FAAP20: variants seen among roughly 807,000 people sequenced by gnomAD.
FAAP20 encodes the protein Fanconi anemia core complex-associated protein 20.
In FAAP20, 12 loss-of-function variants were observed where a neutral mutation model predicts 16.2. The ratio of observed to expected loss-of-function variants is 0.74; its 90% CI spans 0.48 to 1.20. FAAP20 has a LOEUF of 1.20. FAAP20 is among the 50% of genes most tolerant of loss of function. The pLI, the probability that FAAP20 is intolerant of heterozygous loss-of-function variation, is 0.00. For missense variants in FAAP20, 288 were observed against 245.8 expected, an observed-to-expected ratio of 1.17 and a Z score of -1.15; for synonymous variants, 141 against 110.7, an observed-to-expected ratio of 1.27 and a Z score of -1.72.
downstream of FAAP20, chr1:2,186,252 T>C: frequency 3.5e-6 from 1 of 281,856 alleles, no homozygotes; most frequent in Admixed American, 4.4e-5. Flanking sequence ...GCTGGTGGCT[T>C]GGGGAAGAGA....
chr1:2,185,139 A>C (rs760911248), downstream of FAAP20: 5 of 907,566 alleles, frequency 5.5e-6, no homozygotes, highest in Non-Finnish European at 8.6e-6. Flanking sequence ...CCGAGACCGC[A>C]GAGGGAAGCG....
upstream of FAAP20, among the ~76,000 whole-genome samples, chr1:2,197,510 G>A (rs61559626): frequency 3.5e-4 from 54 of 152,322 alleles, no homozygotes; most frequent in East Asian, 9.5e-3. Flanking sequence ...GCTCCAGCCC[G>A]CATCACTGAA....
At chr1:2,189,331 C>CA (rs71578369), downstream of FAAP20, among the ~76,000 whole-genome samples, 10,974 of 97,594 alleles carry the variant, frequency 0.11, 488 homozygotes, top group Middle Eastern at 0.17. Flanking sequence ...GACCCTGTCT[C>CA]AAAAAAAAAA....
At chr1:2,186,504 C>G (rs569291460), downstream of FAAP20, among the ~76,000 whole-genome samples, 1 of 149,984 alleles carries the variant, frequency 6.7e-6, no homozygotes, top group Non-Finnish European at 1.5e-5. Context: ...CCGCCCCCCC[C>G]CGGCCAGCTC....
At chr1:2,185,207 C>A (rs1317123556), downstream of FAAP20, 3 of 707,108 alleles carry the variant, frequency 4.2e-6, no homozygotes, top group Admixed American at 2.0e-5. Flanking sequence ...GGCAGGCCAG[C>A]TTCGTGCTGG....
At chr1:2,184,853 G>C (rs548440022), downstream of FAAP20, 2 of 1,461,040 alleles carry the variant, frequency 1.4e-6, no homozygotes, top group South Asian at 1.2e-5. Flanking sequence ...TTATGCGAAC[G>C]TGACTCCGCT....
intron 3 of FAAP20, chr1:2,190,231 G>A (rs1200273299): frequency 4.4e-6 from 2 of 458,722 alleles, no homozygotes; most frequent in Non-Finnish European, 8.7e-6. Flanking sequence ...GCTCACGTCA[G>A]AGAATTGGTG....
chr1:2,184,770 G>A, downstream of FAAP20: 1 of 1,482,114 alleles, frequency 6.7e-7, no homozygotes, highest in East Asian at 2.4e-5. Context: ...ACCTTGGGCA[G>A]CTGGTGACCC....
intron 3 of FAAP20, chr1:2,190,598 C>CG (rs1557776883): frequency 2.8e-6 from 1 of 357,640 alleles, no homozygotes; most frequent in African/African-American, 2.1e-5. Context: ...CCATGACTCC[C>CG]GGAGAGTGCC....
upstream of FAAP20, among the ~76,000 whole-genome samples, chr1:2,204,293 C>T (rs948523781): frequency 1.3e-5 from 2 of 152,250 alleles, no homozygotes; most frequent in African/African-American, 4.8e-5. Flanking sequence ...CGTGGTCTGC[C>T]GTCCTGGCAC....
At chr1:2,190,140 C>T (rs749476138) in intron 3 of FAAP20, 6 of 508,100 alleles carry the variant, frequency 1.2e-5, no homozygotes, top group Admixed American at 4.5e-5. Context: ...GGCAGGACGG[C>T]GGGTGGCCTG....
Position 2,194,077 on chromosome 1 carries a change from C to A in FAAP20, c.119G>T (p.Trp40Leu), listed in dbSNP as rs1173039010. Residue 40 changes from tryptophan to leucine, a missense_variant, in exon 2 of 4, where the codon TGG becomes TTG. By Grantham distance (61) the Trp-to-Leu change is moderately conservative (BLOSUM62 -2). Transcript: ENST00000378546. Reference sequence around the variant, plus strand: ...GCTCACCGTGCGCAGTAGCTCGGCCCAGAGCCGCTCCCGCTCATCACCCCC... The same window carrying A: ...GCTCACCGTGCGCAGTAGCTCGGCCAAGAGCCGCTCCCGCTCATCACCCCC... ...LLGGDERERL[W>L]AELLRTVSPE... is the part of the protein sequence containing the mutation. 3 of 1,612,472 alleles carry A rather than the reference C, an allele frequency of 1.9e-6. No individual in the cohort carries two copies. The highest frequency in any genetic ancestry group is 2.5e-6 in the Non-Finnish European group (3 of 1,179,960).
chr1:2,208,672 C>A (rs1356649221), downstream of FAAP20, among the ~76,000 whole-genome samples: 2 of 152,164 alleles, frequency 1.3e-5, no homozygotes, highest in African/African-American at 4.8e-5. Flanking sequence ...TTATGTAACC[C>A]CCATGCTCGG....
chr1:2,192,975 T>G (rs1415206473), intron 3 of FAAP20: 1 of 1,304,080 alleles, frequency 7.7e-7, no homozygotes, highest in Admixed American at 2.3e-5. Context: ...TGTTTTTGCT[T>G]CTGGAAGACC....
chr1:2,194,153 C>T lies in FAAP20; in HGVS notation c.63-20G>A. 3 of 1,610,754 alleles carry T rather than the reference C, an allele frequency of 1.9e-6. No individual in the cohort carries two copies. The highest frequency in any genetic ancestry group is 2.5e-6 in the Non-Finnish European group (3 of 1,179,434). On this transcript the variant is annotated intron_variant, in intron 1 of 3. Transcript: ENST00000378546. ...GAAGGCCTGGGGCAGACAGAGAGGG[C>T]AGACAGGGGGTACTCAGTAGCGGAA...
upstream of FAAP20, chr1:2,201,238 A>G: frequency 1.7e-6 from 2 of 1,199,544 alleles, no homozygotes; most frequent in Middle Eastern, 3.7e-4. Flanking sequence ...GTGTTGGAAA[A>G]TAAGGACAGT....
chr1:2,211,739 G>A (rs1160185733), downstream of FAAP20, among the ~76,000 whole-genome samples: 6 of 150,952 alleles, frequency 4.0e-5, no homozygotes, highest in Non-Finnish European at 7.4e-5. Context: ...ATGAGCCACC[G>A]TGCCCGGCCA....
At chr1:2,187,534 C>G (rs1687736267), downstream of FAAP20, among the ~76,000 whole-genome samples, 1 of 152,066 alleles carries the variant, frequency 6.6e-6, no homozygotes, top group Non-Finnish European at 1.5e-5. Flanking sequence ...GAACTCCTGA[C>G]CTCAGGTGAT....
upstream of FAAP20, chr1:2,201,037 G>A (rs1689029024): frequency 1.6e-6 from 2 of 1,288,230 alleles, no homozygotes; most frequent in African/African-American, 1.5e-5. Flanking sequence ...GCACCTTCCA[G>A]GACCCAGCTC....
Sources: gnomAD v4.1 joint callset for allele counts (sites outside exome capture counted in the v4.1 genomes callset) on GRCh38, gnomAD v4.1.1 for gene constraint, MANE v1.5 for transcripts, NCBI Gene and HGNC (gene_info 2026-07-23, HGNC 2026-07-21) for gene names.